The following ELMO1 variants were observed in gnomAD, a reference collection of about 807,000 sequenced individuals.
The protein encoded by ELMO1 is engulfment and cell motility 1.
In ELMO1, 26 loss-of-function variants were observed where a neutral mutation model predicts 98.9. That is an observed-to-expected ratio of 0.26 (90% CI 0.19 to 0.36). The LOEUF (loss-of-function observed/expected upper bound fraction) is 0.36, where lower values mean the gene tolerates loss of function less well. Ranked by LOEUF, ELMO1 falls within the 10% of genes least tolerant of loss-of-function variation. The pLI is 1.00. For synonymous variants in ELMO1, 346 were observed against 346.0 expected (o/e 1.00, Z 0.00); for missense variants, 627 against 935.2 (o/e 0.67, Z 4.30).
Position 37,034,080 on chromosome 7 carries a change from G to GA in ELMO1, c.1301-20646dup, listed in dbSNP as rs112958667. On this transcript the variant is annotated intron_variant, in intron 15 of 21. Coordinates refer to ENST00000310758, the MANE Select transcript of ELMO1 (RefSeq NM_014800.11). ...CTTCACACAGTTGAGAGATCAGAGG[G>GA]AAAAAAATGTGTAATAACATGAGTT... Among the ~76,000 whole-genome samples the GA allele has an allele frequency of 1.9e-3, 288 of 152,214 alleles. 1 individual carries two copies. Among genetic ancestry groups the GA allele is most frequent in the African/African-American group, 5.3e-3 (219 of 41,534 alleles).
chr7:36,873,868 T>C (rs1803736402), intron 19 of ELMO1, among the ~76,000 whole-genome samples: 1 of 152,222 alleles, frequency 6.6e-6, no homozygotes, highest in Admixed American at 6.5e-5. Context: ...CTTTCATCAG[T>C]GAGATCCAAG....
chr7:37,306,706 A>T (rs780900873), intron 4 of ELMO1, among the ~76,000 whole-genome samples: 27 of 152,208 alleles, frequency 1.8e-4, no homozygotes, highest in Non-Finnish European at 3.4e-4. Context: ...GGAAGATGAA[A>T]ATACTGGAGG....
At chr7:37,082,690 T>C (rs867643752) in intron 15 of ELMO1, among the ~76,000 whole-genome samples, 1 of 152,036 alleles carries the variant, frequency 6.6e-6, no homozygotes, top group Non-Finnish European at 1.5e-5. Flanking sequence ...GTGACTGCGT[T>C]ACTGCACTCC....
intron 7 of ELMO1, among the ~76,000 whole-genome samples, chr7:37,243,847 C>T (rs117870673): frequency 6.0e-4 from 91 of 152,286 alleles, no homozygotes; most frequent in Non-Finnish European, 9.1e-4. Context: ...AGGTTTCTAT[C>T]TTCAGACACA....
chr7:37,064,179 G>A (rs112651790), intron 15 of ELMO1, among the ~76,000 whole-genome samples: 28 of 152,186 alleles, frequency 1.8e-4, no homozygotes, highest in African/African-American at 4.3e-4. Context: ...GCATTTTCTC[G>A]TGTTCCTCTA....
chr7:36,969,113 G>A (rs1209400833), intron 16 of ELMO1, among the ~76,000 whole-genome samples: 1 of 152,048 alleles, frequency 6.6e-6, no homozygotes, highest in African/African-American at 2.4e-5. Flanking sequence ...ACTCTCAGTG[G>A]AGGGTATCAA....
At chr7:37,316,892 T>C (rs1175922984) in intron 2 of ELMO1, among the ~76,000 whole-genome samples, 2 of 149,878 alleles carry the variant, frequency 1.3e-5, no homozygotes, top group Non-Finnish European at 3.0e-5. Flanking sequence ...CAATGTGGTA[T>C]CTGCGAAGAG....
chr7:36,861,117 T>C (rs1802595512), intron 21 of ELMO1, among the ~76,000 whole-genome samples: 1 of 152,260 alleles, frequency 6.6e-6, no homozygotes, highest in African/African-American at 2.4e-5. Flanking sequence ...CCTAGATTTA[T>C]GCTAAATATT....
intron 13 of ELMO1, among the ~76,000 whole-genome samples, chr7:37,155,487 C>CAAAAAAAAA (rs781745325): frequency 3.2e-4 from 16 of 49,668 alleles, no homozygotes; most frequent in South Asian, 1.8e-3. Flanking sequence ...AAACGGAAAG[C>CAAAAAAAAA]AAAAAAAAAA....
At chr7:37,172,477 C>G (rs1790232352) in intron 13 of ELMO1, among the ~76,000 whole-genome samples, 1 of 152,172 alleles carries the variant, frequency 6.6e-6, no homozygotes, top group South Asian at 2.1e-4. Context: ...CATTTCCTCC[C>G]TGCATTCCTA....
intron 10 of ELMO1, chr7:37,217,620 T>C: frequency 4.5e-6 from 2 of 441,982 alleles, no homozygotes; most frequent in South Asian, 3.1e-5. Context: ...TGGGGGAGAT[T>C]TCTGAGGAGG....
chr7:37,207,379 T>C (rs60923009), intron 13 of ELMO1, among the ~76,000 whole-genome samples: 1,821 of 147,324 alleles, frequency 0.012, 43 homozygotes, highest in African/African-American at 0.044. Flanking sequence ...GGCGAAACCC[T>C]GTCTCTACTA....
At chr7:36,874,073 G>A (rs980567597) in intron 19 of ELMO1, among the ~76,000 whole-genome samples, 1 of 152,188 alleles carries the variant, frequency 6.6e-6, no homozygotes, top group Non-Finnish European at 1.5e-5. Flanking sequence ...GAAAAGATGC[G>A]CCTTTGGAAT....
At chr7:37,125,544 C>A (rs1265559883) in intron 14 of ELMO1, among the ~76,000 whole-genome samples, 1 of 152,214 alleles carries the variant, frequency 6.6e-6, no homozygotes, top group East Asian at 1.9e-4. Context: ...AAATGCTCAT[C>A]ATCACTGGCC....
At chr7:37,339,430 A>G (rs1468145912) in intron 2 of ELMO1, among the ~76,000 whole-genome samples, 1 of 152,224 alleles carries the variant, frequency 6.6e-6, no homozygotes, top group Non-Finnish European at 1.5e-5. Flanking sequence ...TGCTTAACCC[A>G]ACTTTTGGAA....
intron 4 of ELMO1, among the ~76,000 whole-genome samples, chr7:37,280,147 A>G (rs982029601): frequency 5.3e-5 from 8 of 152,250 alleles, no homozygotes; most frequent in Non-Finnish European, 1.2e-4. Flanking sequence ...TTGGCAAGCC[A>G]TATGTCGGAG....
chr7:37,037,513 G>A (rs769998444), intron 15 of ELMO1, among the ~76,000 whole-genome samples: 32 of 152,336 alleles, frequency 2.1e-4, no homozygotes, highest in Non-Finnish European at 1.9e-4. Flanking sequence ...TTAGGAAGCA[G>A]TGCCAGGAAT....
intron 2 of ELMO1, among the ~76,000 whole-genome samples, chr7:37,324,556 C>T (rs918249808): frequency 2.0e-5 from 3 of 152,158 alleles, no homozygotes; most frequent in Non-Finnish European, 4.4e-5. Context: ...CTCTATCTTC[C>T]CCCCAACTAT....
At chr7:36,864,536 C>T (rs1183479469) in intron 20 of ELMO1, among the ~76,000 whole-genome samples, 1 of 152,192 alleles carries the variant, frequency 6.6e-6, no homozygotes, top group African/African-American at 2.4e-5. Context: ...CTCTGGCTTG[C>T]TGTTGTTGAG....
Sources: allele counts gnomAD v4.1 joint callset (sites outside exome capture counted in the v4.1 genomes callset), GRCh38; gene constraint gnomAD v4.1.1; transcripts MANE v1.5; gene names NCBI Gene and HGNC (gene_info 2026-07-23, HGNC 2026-07-21).